Variants in TMEM178B observed in about 807,000 individuals in gnomAD.
TMEM178B encodes the protein transmembrane protein 178B.
A neutral mutation model predicts 31.0 loss-of-function variants in TMEM178B; 5 were observed. The ratio of observed to expected loss-of-function variants is 0.16; its 90% CI spans 0.08 to 0.34. The LOEUF (loss-of-function observed/expected upper bound fraction) is 0.34. Among genes scored for constraint, TMEM178B ranks in the 10% least tolerant of loss-of-function variants. The pLI is 1.00. For missense variants in TMEM178B, 275 were observed against 400.3 expected, an observed-to-expected ratio of 0.69 and a Z score of 2.67; for synonymous variants, 164 against 164.0, an observed-to-expected ratio of 1.00 and a Z score of 0.00.
At chr7:141,097,781 TTTTC>T (rs201900694) in intron 1 of TMEM178B, among the ~76,000 whole-genome samples, 1,897 of 145,200 alleles carry the variant, frequency 0.013, 33 homozygotes, top group African/African-American at 0.046. Context: ...TTTCTTTTCT[TTTTC>T]TTTCTTTCTT....
chr7:141,167,295 C>T (rs143134034), intron 1 of TMEM178B, among the ~76,000 whole-genome samples: 1 of 152,204 alleles, frequency 6.6e-6, no homozygotes, highest in Non-Finnish European at 1.5e-5. Context: ...CGTCTGTTAC[C>T]CCAAATGCCC....
chr7:141,508,009 G>T, the TMEM178B span, among the ~76,000 whole-genome samples: 1 of 152,180 alleles, frequency 6.6e-6, no homozygotes, highest in Non-Finnish European at 1.5e-5. Context: ...TCTGCAGCCC[G>T]CTTGAATTTC....
chr7:141,329,434 T>A (rs1224265933), intron 2 of TMEM178B, among the ~76,000 whole-genome samples: 1 of 152,224 alleles, frequency 6.6e-6, no homozygotes, highest in East Asian at 1.9e-4. Context: ...CAAGGCAGCG[T>A]ACAGCCTCTT....
At chr7:141,375,639 C>T (rs1480803853) in intron 2 of TMEM178B, among the ~76,000 whole-genome samples, 2 of 152,148 alleles carry the variant, frequency 1.3e-5, no homozygotes, top group African/African-American at 4.8e-5. Flanking sequence ...AAGAAATGAG[C>T]CCCCTGTTAC....
chr7:141,153,255 T>A (rs1796007795), intron 1 of TMEM178B, among the ~76,000 whole-genome samples: 1 of 152,236 alleles, frequency 6.6e-6, no homozygotes, highest in Non-Finnish European at 1.5e-5. Context: ...CCCCCATCTC[T>A]GCAATATATT....
intron 2 of TMEM178B, among the ~76,000 whole-genome samples, chr7:141,399,609 G>C (rs931329060): frequency 2.0e-5 from 3 of 152,148 alleles, no homozygotes; most frequent in Non-Finnish European, 2.9e-5. Flanking sequence ...GACACCTCTG[G>C]GTCTTTGCAG....
At chr7:141,500,468 G>A in the TMEM178B span, among the ~76,000 whole-genome samples, 1 of 152,054 alleles carries the variant, frequency 6.6e-6, no homozygotes, top group African/African-American at 2.4e-5. Context: ...GGGAGGAGGG[G>A]GTGGATAATG....
chr7:141,335,386 T>C (rs893486589), intron 2 of TMEM178B, among the ~76,000 whole-genome samples: 7 of 152,158 alleles, frequency 4.6e-5, no homozygotes, highest in African/African-American at 1.7e-4. Flanking sequence ...GGCACTCTGC[T>C]CCCAGAGGGC....
chr7:141,485,999 A>C, the TMEM178B span, among the ~76,000 whole-genome samples: 2 of 152,214 alleles, frequency 1.3e-5, no homozygotes, highest in Non-Finnish European at 2.9e-5. Context: ...AGCAACCTAC[A>C]TGTCCATCAA....
chr7:141,495,576 T>C, the TMEM178B span, among the ~76,000 whole-genome samples: 1 of 152,176 alleles, frequency 6.6e-6, no homozygotes, highest in East Asian at 1.9e-4. Context: ...AAATTCCCTT[T>C]CTGGAAATTT....
chr7:141,428,948 C>G (rs148401357), intron 2 of TMEM178B, among the ~76,000 whole-genome samples: 30 of 152,276 alleles, frequency 2.0e-4, no homozygotes, highest in South Asian at 4.2e-4. Flanking sequence ...ACTGGATTCA[C>G]TGCTGGTAAC....
In TMEM178B at chr7:141,280,902, T is replaced by C. The variant is rs115537209; in HGVS notation, c.496+68198T>C. On this transcript the variant is annotated intron_variant, in intron 2 of 3. Transcript: ENST00000565468. The stretch of plus-strand genomic sequence containing the variant: ...TTTCCTGTTTTCCTGCAAAGCATTC[T>C]GGTCTTTCCTTCAGGCAGTTAATAT... Among the ~76,000 whole-genome samples the C allele has an allele frequency of 2.0e-3, 310 of 152,358 alleles. 1 individual carries two copies. Among genetic ancestry groups the C allele is most frequent in the African/African-American group, 7.1e-3 (295 of 41,588 alleles).
intron 2 of TMEM178B, among the ~76,000 whole-genome samples, chr7:141,305,731 G>C (rs568947306): frequency 6.6e-6 from 1 of 151,618 alleles, no homozygotes; most frequent in Admixed American, 6.6e-5. Flanking sequence ...CACTGTGCCT[G>C]GCTGGCCCTG....
chr7:141,076,130 T>C (rs1269685269), intron 1 of TMEM178B, among the ~76,000 whole-genome samples: 1 of 152,202 alleles, frequency 6.6e-6, no homozygotes, highest in Non-Finnish European at 1.5e-5. Flanking sequence ...TGGAACAAGG[T>C]GACCCATTTG....
rs55726735 is a variant in TMEM178B at position 141,215,337 on chromosome 7, A to ATTATTATTATTATTATTATT, written c.496+2635_496+2636insATTATTATTATTATTATTTT. 2.4e-3 allele frequency among the ~76,000 whole-genome samples: 346 copies of ATTATTATTATTATTATTATT among 141,538 alleles called. 1 individual carries two copies. Among genetic ancestry groups the ATTATTATTATTATTATTATT allele is most frequent in the Middle Eastern group, 7.3e-3 (2 of 274 alleles). The allele number at this position is 141,538 out of a possible 152,430, so 92.9% of individuals were successfully genotyped here. ...CATCTTTATTATTATTATTATTATT[A>ATTATTATTATTATTATTATT]TTTTTTGAGATGGAGTCTCACTCTG... On this transcript the variant is annotated intron_variant, in intron 2 of 3. Transcript: ENST00000565468.
chr7:141,486,822 C>G, the TMEM178B span, among the ~76,000 whole-genome samples: 1 of 151,712 alleles, frequency 6.6e-6, no homozygotes, highest in Non-Finnish European at 1.5e-5. Flanking sequence ...AGGGAGAGAC[C>G]GGTAATGAAA....
intron 2 of TMEM178B, among the ~76,000 whole-genome samples, chr7:141,397,575 G>A (rs942192926): frequency 1.3e-5 from 2 of 152,194 alleles, no homozygotes; most frequent in African/African-American, 4.8e-5. Flanking sequence ...CAGCCAGTGA[G>A]TAAATACCCG....
chr7:141,314,179 C>G (rs1016263450), intron 2 of TMEM178B, among the ~76,000 whole-genome samples: 1 of 152,142 alleles, frequency 6.6e-6, no homozygotes, highest in African/African-American at 2.4e-5. Flanking sequence ...TTCTTGGGAA[C>G]GTTTAACCCC....
chr7:141,244,734 G>A (rs1011986140), intron 2 of TMEM178B, among the ~76,000 whole-genome samples: 4 of 152,148 alleles, frequency 2.6e-5, no homozygotes, highest in Non-Finnish European at 4.4e-5. Flanking sequence ...ATGGAATAGA[G>A]GTGATAGTGA....
Sources: gnomAD v4.1 joint callset for allele counts (sites outside exome capture counted in the v4.1 genomes callset) on GRCh38, gnomAD v4.1.1 for gene constraint, MANE v1.5 for transcripts, NCBI Gene and HGNC (gene_info 2026-07-23, HGNC 2026-07-21) for gene names.